LHFPL3: variants seen among roughly 807,000 people sequenced by gnomAD.
LHFPL3 encodes the protein LHFPL tetraspan subfamily member 3 protein.
A neutral mutation model predicts 19.3 loss-of-function variants in LHFPL3; 5 were observed. The observed-to-expected ratio is 0.26, with a 90% CI of 0.14 to 0.54. LHFPL3 has a LOEUF of 0.54. Ranked by LOEUF, LHFPL3 falls within the 20% of genes least tolerant of loss-of-function variation. LHFPL3 has a pLI of 0.94. For synonymous variants in LHFPL3, 133 were observed against 126.2 expected (o/e 1.05, Z -0.36); for missense variants, 249 against 307.4 (o/e 0.81, Z 1.42).
chr7:104,335,035 C>G (rs1018126183), intron 1 of LHFPL3, among the ~76,000 whole-genome samples: 4 of 152,252 alleles, frequency 2.6e-5, no homozygotes, highest in Admixed American at 1.3e-4. Context: ...TTCTTGGACT[C>G]CCATGGAGCA....
intron 1 of LHFPL3, among the ~76,000 whole-genome samples, chr7:104,423,422 G>A (rs1169761469): frequency 6.6e-6 from 1 of 151,864 alleles, no homozygotes; most frequent in Non-Finnish European, 1.5e-5. Context: ...AGACCAACCT[G>A]GGCAAAAAAG....
At chr7:104,479,746 T>A (rs1338927814) in intron 1 of LHFPL3, among the ~76,000 whole-genome samples, 1 of 152,216 alleles carries the variant, frequency 6.6e-6, no homozygotes, top group Non-Finnish European at 1.5e-5. Flanking sequence ...GTTCAGCCCC[T>A]ACACTGTCTG....
At chr7:104,741,558 CAG>C (rs1793938275) in intron 2 of LHFPL3, among the ~76,000 whole-genome samples, 1 of 143,374 alleles carries the variant, frequency 7.0e-6, no homozygotes, top group Non-Finnish European at 1.5e-5. Flanking sequence ...TTCTTAGAGA[CAG>C]AGTCTCACTC....
Position 104,669,250 on chromosome 7 carries a change from T to C in LHFPL3, c.446-67425T>C, listed in dbSNP as rs1162413135. 17 of 1,613,642 alleles carry C rather than the reference T, an allele frequency of 1.1e-5. No individual in the cohort carries two copies. The Admixed American group carries it at 2.3e-4, about 22-fold the overall frequency. ...TCAGAGCTCAGACACAGAGCAGCAA[T>C]CCCCTACAAGTGGTGGGGGAAAAGT... On this transcript the variant is annotated intron_variant, in intron 1 of 2. Coordinates refer to ENST00000424859, the MANE Select transcript of LHFPL3 (RefSeq NM_199000.3).
intron 1 of LHFPL3, among the ~76,000 whole-genome samples, chr7:104,674,205 A>C (rs900258965): frequency 1.3e-5 from 2 of 151,456 alleles, no homozygotes; most frequent in Admixed American, 6.6e-5. Context: ...TCCTCTGGTC[A>C]GTTCTCACAT....
intron 2 of LHFPL3, among the ~76,000 whole-genome samples, chr7:104,772,253 C>T (rs1381340653): frequency 2.0e-5 from 3 of 152,118 alleles, no homozygotes; most frequent in Admixed American, 6.5e-5. Context: ...GAACAAATTT[C>T]GTTACCTCCA....
At chr7:104,669,424 A>G (rs1484049627) in intron 1 of LHFPL3, 5 of 1,613,380 alleles carry the variant, frequency 3.1e-6, no homozygotes, top group Non-Finnish European at 3.4e-6. Flanking sequence ...GTCAGATAGG[A>G]AAGATGGCAA....
chr7:104,427,877 G>GT (rs745916676), intron 1 of LHFPL3, among the ~76,000 whole-genome samples: 65 of 152,222 alleles, frequency 4.3e-4, no homozygotes, highest in Admixed American at 2.5e-3. Context: ...TCGTGCATCA[G>GT]TTTTTGCTGG....
chr7:104,727,088 T>C (rs190268111), intron 1 of LHFPL3, among the ~76,000 whole-genome samples: 218 of 152,332 alleles, frequency 1.4e-3, no homozygotes, highest in African/African-American at 4.9e-3. Context: ...ATCAGTGATG[T>C]TGAGCTTTTT....
In LHFPL3 at chr7:104,906,282, T is replaced by C. The variant is rs1286542009; in HGVS notation, c.*67T>C. 7 of 1,524,706 alleles carry C rather than the reference T, an allele frequency of 4.6e-6. No homozygotes were observed. The highest frequency in any genetic ancestry group is 6.3e-6 in the Non-Finnish European group (7 of 1,114,474). 94.4% of individuals were successfully genotyped at this position (1,524,706 alleles called of 1,614,324 possible). ...AGCTAAACGAATCGAATAACAGCTTTTGTACATCAACATCAAGAAGGAATA... is the reference window on the plus strand; with the variant it reads ...AGCTAAACGAATCGAATAACAGCTTCTGTACATCAACATCAAGAAGGAATA... On this transcript the variant is annotated 3_prime_UTR_variant, in exon 3 of 3. Coordinates refer to ENST00000424859, the MANE Select transcript of LHFPL3 (RefSeq NM_199000.3).
chr7:104,864,914 C>T (rs1791691169), intron 2 of LHFPL3, among the ~76,000 whole-genome samples: 1 of 152,228 alleles, frequency 6.6e-6, no homozygotes. Context: ...ATTTGCTGTT[C>T]ACCAATATCC....
chr7:104,357,328 C>G (rs1790299366), intron 1 of LHFPL3, among the ~76,000 whole-genome samples: 1 of 152,174 alleles, frequency 6.6e-6, no homozygotes, highest in African/African-American at 2.4e-5. Flanking sequence ...AGCCAGCTAC[C>G]AGGTTAACAA....
intron 1 of LHFPL3, among the ~76,000 whole-genome samples, chr7:104,609,136 G>C (rs563674431): frequency 6.6e-6 from 1 of 152,042 alleles, no homozygotes; most frequent in East Asian, 1.9e-4. Flanking sequence ...ATGGTGGTGC[G>C]CACCTGTAAT....
At chr7:104,779,618 G>C (rs1584529996) in intron 2 of LHFPL3, among the ~76,000 whole-genome samples, 1 of 152,316 alleles carries the variant, frequency 6.6e-6, no homozygotes, top group South Asian at 2.1e-4. Context: ...ACAGATTCTG[G>C]ATGAGTGACC....
chr7:104,559,062 A>G (rs1164733954), intron 1 of LHFPL3, among the ~76,000 whole-genome samples: 13 of 148,068 alleles, frequency 8.8e-5, no homozygotes, highest in Admixed American at 4.0e-4. Context: ...TACCAGTACC[A>G]TGCTGTTTTG....
At chr7:104,517,224 C>G (rs1480828904) in intron 1 of LHFPL3, among the ~76,000 whole-genome samples, 1 of 152,002 alleles carries the variant, frequency 6.6e-6, no homozygotes, top group Non-Finnish European at 1.5e-5. Context: ...ATGAAATAAT[C>G]TGTACAACAA....
chr7:104,505,451 A>G (rs1205523570), intron 1 of LHFPL3, among the ~76,000 whole-genome samples: 1 of 152,220 alleles, frequency 6.6e-6, no homozygotes, highest in Non-Finnish European at 1.5e-5. Flanking sequence ...AATGAAGAGG[A>G]TAAAAAGTTG....
chr7:104,665,426 TCCA>T (rs1287886678), intron 1 of LHFPL3, among the ~76,000 whole-genome samples: 1 of 152,194 alleles, frequency 6.6e-6, no homozygotes, highest in African/African-American at 2.4e-5. Flanking sequence ...AATAGTCCAT[TCCA>T]TTAAAAAAAT....
chr7:104,466,837 G>T (rs1792796106), intron 1 of LHFPL3, among the ~76,000 whole-genome samples: 1 of 152,174 alleles, frequency 6.6e-6, no homozygotes, highest in Non-Finnish European at 1.5e-5. Context: ...CATTTGCCCA[G>T]AATCAGCATC....
Sources: gnomAD v4.1 joint callset for allele counts (sites outside exome capture counted in the v4.1 genomes callset) on GRCh38, gnomAD v4.1.1 for gene constraint, MANE v1.5 for transcripts, NCBI Gene and HGNC (gene_info 2026-07-23, HGNC 2026-07-21) for gene names.